ARMC3: variants seen among roughly 807,000 people sequenced by gnomAD.
ARMC3 encodes the protein armadillo repeat-containing protein 3.
ARMC3 carries 74 observed loss-of-function variants against 90.3 expected under a neutral mutation model. The ratio of observed to expected loss-of-function variants is 0.82; its 90% confidence interval spans 0.68 to 0.99. ARMC3 has a LOEUF of 0.99. Ranked by LOEUF, ARMC3 falls within the 50% of genes least tolerant of loss-of-function variation. The probability of loss-of-function intolerance (pLI) is 0.00; values close to 1 mark genes in which losing one functional copy is unlikely to be tolerated. For synonymous variants in ARMC3, 334 were observed against 361.8 expected (o/e 0.92, Z 0.87); for missense variants, 958 against 1,042.8 (o/e 0.92, Z 1.12).
intron 16 of ARMC3, among the ~76,000 whole-genome samples, chr10:23,012,881 GC>G (rs1362412672): frequency 6.9e-6 from 1 of 144,610 alleles, no homozygotes; most frequent in Non-Finnish European, 1.5e-5. Context: ...AGAGGTGCTA[GC>G]CCCCACCTTT....
intron 3 of ARMC3, among the ~76,000 whole-genome samples, chr10:22,952,685 C>G (rs1017077113): frequency 6.6e-6 from 1 of 152,038 alleles, no homozygotes; most frequent in African/African-American, 2.4e-5. Context: ...GTGAAGCCAC[C>G]ACTACTGTAT....
intron 10 of ARMC3, 21 bp downstream of exon 10, chr10:22,981,721 C>G: frequency 1.3e-6 from 2 of 1,581,144 alleles, no homozygotes; most frequent in Non-Finnish European, 1.7e-6. Flanking sequence ...AGATCCTCAC[C>G]CAGCACTGAC....
Position 23,037,513 on chromosome 10 carries a change from G to A in ARMC3, c.*34G>A. The A allele has an allele frequency of 6.4e-7, 1 of 1,565,138 alleles. No homozygotes were observed. The highest frequency in any genetic ancestry group is 8.7e-7 in the Non-Finnish European group (1 of 1,143,060). ...ACGAACACAAGAGAGGCTCAAACAA[G>A]AAATTCACTGTGTACACTCTCTAAG... On this transcript the variant is annotated 3_prime_UTR_variant, in exon 19 of 19. Coordinates refer to ENST00000298032, the MANE Select transcript of ARMC3 (RefSeq NM_173081.5).
At position 22,998,203 on chromosome 10, in the gene ARMC3, C is replaced by T. The variant is rs143785271; in HGVS notation, c.1231C>T (p.Arg411Ter). 14 of 1,613,568 alleles carry T rather than the reference C, an allele frequency of 8.7e-6. No individual in the cohort carries two copies. Among genetic ancestry groups the T allele is most frequent in the African/African-American group, 4.0e-5 (3 of 74,914 alleles). Residue 411 changes from arginine (R) to a stop codon, truncating the protein, a stop_gained, in exon 11 of 19, where the codon CGA (arginine) becomes TGA (stop). Coordinates refer to ENST00000298032, the MANE Select transcript of ARMC3 (RefSeq NM_173081.5). LOFTEE classifies it high-confidence loss of function. Reference sequence around the variant, plus strand: ...ATTAATAAACCTCCTGTCTAGTAAACGAGATGGAGCCATTGCCAACGCTGC... The same window carrying T: ...ATTAATAAACCTCCTGTCTAGTAAATGAGATGGAGCCATTGCCAACGCTGC... ...DPLINLLSSK[R>*]DGAIANAATV...
chr10:22,998,549 C>A, intron 11 of ARMC3, 152 bp downstream of exon 11: 1 of 1,095,336 alleles, frequency 9.1e-7, no homozygotes, highest in Non-Finnish European at 1.3e-6. Context: ...ATTGTCTTGT[C>A]TTGTTTGTTT....
chr10:22,994,508 G>C (rs1039305835), intron 10 of ARMC3, among the ~76,000 whole-genome samples: 2 of 152,032 alleles, frequency 1.3e-5, no homozygotes, highest in African/African-American at 4.8e-5. Flanking sequence ...GACTAGCCTG[G>C]GCAACGTAGC....
At chr10:22,940,242 A>T (rs1319895359) in intron 2 of ARMC3, among the ~76,000 whole-genome samples, 1 of 152,244 alleles carries the variant, frequency 6.6e-6, no homozygotes, top group African/African-American at 2.4e-5. Context: ...AGTGTTATGC[A>T]CCTAATAACA....
At chr10:23,022,214 C>A (rs1377773070) in intron 16 of ARMC3, among the ~76,000 whole-genome samples, 1 of 152,140 alleles carries the variant, frequency 6.6e-6, no homozygotes, top group African/African-American at 2.4e-5. Context: ...TTAATTTTTA[C>A]ATACAATGTG....
chr10:22,993,523 C>T (rs1391669178), intron 10 of ARMC3, among the ~76,000 whole-genome samples: 1 of 152,162 alleles, frequency 6.6e-6, no homozygotes, highest in Admixed American at 6.5e-5. Flanking sequence ...TAAGCACTTT[C>T]CCCCTCCCTT....
Position 22,981,322 on chromosome 10 carries a change from C to G in ARMC3, c.917-18C>G. The G allele has an allele frequency of 1.9e-6, 3 of 1,572,636 alleles. No individual in the cohort carries two copies. The highest frequency in any genetic ancestry group is 2.6e-6 in the Non-Finnish European group (3 of 1,163,712). Reference sequence around the variant, plus strand: ...TTGCATTAAAATTCTGAATTTTTTTCCCTTTGGTGTATGAAAGCTGAAAAT... The same window carrying G: ...TTGCATTAAAATTCTGAATTTTTTTGCCTTTGGTGTATGAAAGCTGAAAAT... On this transcript the variant is annotated intron_variant, in intron 8 of 18. Coordinates refer to ENST00000298032, the MANE Select transcript of ARMC3 (RefSeq NM_173081.5).
intron 2 of ARMC3, among the ~76,000 whole-genome samples, chr10:22,940,398 A>T (rs1660006735): frequency 6.6e-6 from 1 of 152,246 alleles, no homozygotes; most frequent in African/African-American, 2.4e-5. Flanking sequence ...CTAAGACCTA[A>T]ATAACTGAAG....
Position 23,037,619 on chromosome 10 carries a change from A to T in ARMC3, c.*140A>T, listed in dbSNP as rs1426476664. 2.3e-6 allele frequency: 2 copies of T among 860,882 alleles called. No individual in the cohort carries two copies. Among genetic ancestry groups the T allele is most frequent in the African/African-American group, 3.4e-5 (2 of 58,968 alleles). The allele number at this position is 860,882 out of a possible 1,614,324, so 53.3% of individuals were successfully genotyped here. ...GAAATGTTTTCTCTGCGTAGAAATT[A>T]GGAAGCTTGGAGTGAACTTTGCTGT... On this transcript the variant is annotated 3_prime_UTR_variant, in exon 19 of 19. Coordinates refer to ENST00000298032, the MANE Select transcript of ARMC3 (RefSeq NM_173081.5).
At chr10:23,013,024 G>T (rs947476775) in intron 16 of ARMC3, among the ~76,000 whole-genome samples, 1 of 151,992 alleles carries the variant, frequency 6.6e-6, no homozygotes, top group Admixed American at 6.6e-5. Context: ...GAGTAGCTGG[G>T]ATTACAGATG....
intron 3 of ARMC3, among the ~76,000 whole-genome samples, chr10:22,954,714 T>G (rs760003633): frequency 4.0e-5 from 6 of 150,504 alleles, no homozygotes; most frequent in Non-Finnish European, 7.4e-5. Flanking sequence ...AAATGGGAAG[T>G]AGAGTTCCCA....
chr10:22,993,573 G>C (rs763969572), intron 10 of ARMC3, among the ~76,000 whole-genome samples: 4 of 152,088 alleles, frequency 2.6e-5, no homozygotes, highest in Non-Finnish European at 5.9e-5. Flanking sequence ...CACTCACCTT[G>C]AGTTGATTCG....
intron 2 of ARMC3, among the ~76,000 whole-genome samples, chr10:22,942,285 G>T (rs1295773485): frequency 6.6e-6 from 1 of 152,166 alleles, no homozygotes; most frequent in East Asian, 1.9e-4. Flanking sequence ...ACCCCTCAGA[G>T]CCTGAACACT....
intron 11 of ARMC3, among the ~76,000 whole-genome samples, chr10:23,000,908 C>T (rs149101595): frequency 2.0e-5 from 3 of 152,290 alleles, no homozygotes; most frequent in African/African-American, 7.2e-5. Flanking sequence ...GAGACAAGAA[C>T]TCTGCCCAAT....
At chr10:22,973,748 T>C (rs35391998) in intron 8 of ARMC3, among the ~76,000 whole-genome samples, 1 of 140,136 alleles carries the variant, frequency 7.1e-6, no homozygotes, top group East Asian at 2.0e-4. Flanking sequence ...TTTTTCTTTG[T>C]CTTTCTTTTT....
chr10:22,986,507 G>A (rs1199740061), intron 10 of ARMC3, among the ~76,000 whole-genome samples: 5 of 147,310 alleles, frequency 3.4e-5, no homozygotes, highest in African/African-American at 7.5e-5. Flanking sequence ...AGCCAAGATC[G>A]CGCCACTTCA....
Sources: allele counts gnomAD v4.1 joint callset (sites outside exome capture counted in the v4.1 genomes callset), GRCh38; gene constraint gnomAD v4.1.1; transcripts MANE v1.5; gene names NCBI Gene and HGNC (gene_info 2026-07-23, HGNC 2026-07-21).